Variants in PACRG observed in about 807,000 individuals in gnomAD.
The protein encoded by PACRG is parkin coregulated gene protein.
PACRG carries 29 observed loss-of-function variants against 29.7 expected under a neutral mutation model. The observed-to-expected ratio is 0.98, with a 90% confidence interval of 0.73 to 1.33. The LOEUF (loss-of-function observed/expected upper bound fraction) is 1.33, where lower values mean the gene tolerates loss of function less well. Ranked by LOEUF, PACRG falls within the 40% of genes most tolerant of loss-of-function variation. The pLI is 0.00. For missense variants in PACRG, 279 were observed against 316.2 expected (o/e 0.88, Z 0.89); for synonymous variants, 116 against 118.7 (o/e 0.98, Z 0.15).
At chr6:162,846,124 C>T (rs1028453087) in intron 2 of PACRG, among the ~76,000 whole-genome samples, 1 of 152,118 alleles carries the variant, frequency 6.6e-6, no homozygotes, top group African/African-American at 2.4e-5. Flanking sequence ...CACTGCGTCT[C>T]TAAGGGGAGC....
intron 4 of PACRG, among the ~76,000 whole-genome samples, chr6:163,160,465 C>T (rs1307995954): frequency 6.6e-6 from 1 of 152,110 alleles, no homozygotes; most frequent in Non-Finnish European, 1.5e-5. Flanking sequence ...TTGCAAGTCA[C>T]CAAGACTTAA....
In PACRG at chr6:163,186,860, C is replaced by T. The variant is rs372902525; in HGVS notation, c.613+97452C>T. Among the ~76,000 whole-genome samples the T allele has an allele frequency of 2.0e-4, 31 of 152,340 alleles. No individual in the cohort carries two copies. In the South Asian group the frequency reaches 3.9e-3, roughly 19 times the overall value. On this transcript the variant is annotated intron_variant, in intron 4 of 4. Transcript: ENST00000366888. ...CACAGTCAGGAGGTATTTAGTCGGC[C>T]TCCCGTCGCCCTCACCGCACACACA... is the stretch of plus-strand genomic sequence containing the variant.
At chr6:162,769,533 G>A (rs1342866711) in intron 1 of PACRG, among the ~76,000 whole-genome samples, 2 of 151,876 alleles carry the variant, frequency 1.3e-5, no homozygotes, top group African/African-American at 2.4e-5. Context: ...TTTGTGCCTC[G>A]TCTATAGGGA....
intron 2 of PACRG, among the ~76,000 whole-genome samples, chr6:162,867,546 C>T (rs530825404): frequency 1.2e-4 from 19 of 152,168 alleles, no homozygotes; most frequent in Non-Finnish European, 1.9e-4. Flanking sequence ...GGGGACTCTC[C>T]TCTCTCCGCT....
At chr6:163,060,873 T>C (rs1195331886) in intron 2 of PACRG, 3 of 152,074 alleles carry the variant, frequency 2.0e-5, no homozygotes, top group Non-Finnish European at 4.4e-5. Flanking sequence ...TCCCACTAAG[T>C]GGTATTACAA....
At chr6:163,290,616 G>C (rs1411895518) in intron 4 of PACRG, among the ~76,000 whole-genome samples, 1 of 152,160 alleles carries the variant, frequency 6.6e-6, no homozygotes, top group Non-Finnish European at 1.5e-5. Flanking sequence ...TCAACTTTCA[G>C]TAAGGATGCT....
intron 4 of PACRG, among the ~76,000 whole-genome samples, chr6:163,108,906 A>G (rs895208358): frequency 6.6e-6 from 1 of 152,234 alleles, no homozygotes; most frequent in African/African-American, 2.4e-5. Flanking sequence ...AACAGGATGC[A>G]CAAGAATAAT....
At chr6:162,906,289 CA>C (rs961110680) in intron 2 of PACRG, among the ~76,000 whole-genome samples, 1 of 152,160 alleles carries the variant, frequency 6.6e-6, no homozygotes, top group African/African-American at 2.4e-5. Flanking sequence ...TCCTTTAAGT[CA>C]ATCCTCTTCC....
At chr6:163,286,291 A>G (rs1784399052) in intron 4 of PACRG, among the ~76,000 whole-genome samples, 1 of 152,178 alleles carries the variant, frequency 6.6e-6, no homozygotes, top group South Asian at 2.1e-4. Context: ...ATCAGTATGT[A>G]CAGCTGTTTT....
At chr6:163,196,189 G>A (rs1780446283) in intron 4 of PACRG, among the ~76,000 whole-genome samples, 1 of 152,174 alleles carries the variant, frequency 6.6e-6, no homozygotes, top group Non-Finnish European at 1.5e-5. Context: ...AAGTAGAACC[G>A]TGCCCTGCAC....
intron 1 of PACRG, among the ~76,000 whole-genome samples, chr6:162,795,911 T>A (rs1226509252): frequency 2.0e-5 from 3 of 152,200 alleles, no homozygotes; most frequent in Non-Finnish European, 2.9e-5. Flanking sequence ...AAACTATAGA[T>A]TTTTGCATGT....
At chr6:162,866,621 A>G (rs1792317783) in intron 2 of PACRG, among the ~76,000 whole-genome samples, 1 of 152,318 alleles carries the variant, frequency 6.6e-6, no homozygotes, top group Admixed American at 6.5e-5. Context: ...AGAAGAAAAA[A>G]AAAAATCTCT....
intron 4 of PACRG, among the ~76,000 whole-genome samples, chr6:163,105,980 G>A (rs553158727): frequency 3.9e-5 from 6 of 152,198 alleles, no homozygotes; most frequent in African/African-American, 1.4e-4. Context: ...TTTGTTTCAA[G>A]TTCTTTTGTG....
chr6:163,296,967 G>A (rs1012766614), intron 4 of PACRG, among the ~76,000 whole-genome samples: 4 of 152,156 alleles, frequency 2.6e-5, no homozygotes, highest in Non-Finnish European at 5.9e-5. Context: ...CACATGTACT[G>A]AACTATCTAT....
intron 4 of PACRG, among the ~76,000 whole-genome samples, chr6:163,216,983 A>G (rs1356050339): frequency 6.6e-6 from 1 of 152,200 alleles, no homozygotes; most frequent in Non-Finnish European, 1.5e-5. Flanking sequence ...ACAGAATTAC[A>G]TTCTCCATGA....
At chr6:163,230,428 C>G (rs1781976488) in intron 4 of PACRG, among the ~76,000 whole-genome samples, 1 of 152,102 alleles carries the variant, frequency 6.6e-6, no homozygotes, top group Non-Finnish European at 1.5e-5. Flanking sequence ...GAAAGAGATC[C>G]TACTTTCTCA....
intron 4 of PACRG, among the ~76,000 whole-genome samples, chr6:163,259,818 C>T (rs575185630): frequency 1.3e-5 from 2 of 152,232 alleles, no homozygotes; most frequent in South Asian, 4.2e-4. Flanking sequence ...CAGGGTTGAT[C>T]GCTAGGACTA....
In PACRG at chr6:163,084,402, A is replaced by G. The variant is rs765502416; in HGVS notation, c.464-4857A>G. Among the ~76,000 whole-genome samples, 3 of 152,324 alleles carry G rather than the reference A, an allele frequency of 2.0e-5. No homozygotes were observed. In the East Asian group the frequency reaches 5.8e-4, roughly 29 times the overall value. On this transcript the variant is annotated intron_variant, in intron 3 of 4. Transcript: ENST00000366888. Reference sequence around the variant, plus strand: ...AAAAAGACTTCCGACTTCATGGTGTATCTTAATTCTCTGAGAATGAAGAAG... The same window carrying G: ...AAAAAGACTTCCGACTTCATGGTGTGTCTTAATTCTCTGAGAATGAAGAAG...
intron 4 of PACRG, among the ~76,000 whole-genome samples, chr6:163,197,346 T>C (rs536540541): frequency 6.6e-6 from 1 of 151,926 alleles, no homozygotes; most frequent in South Asian, 2.1e-4. Context: ...ATACCATCTG[T>C]AAATGCTTGC....
Sources: gnomAD v4.1 joint callset for allele counts (sites outside exome capture counted in the v4.1 genomes callset) on GRCh38, gnomAD v4.1.1 for gene constraint, MANE v1.5 for transcripts, NCBI Gene and HGNC (gene_info 2026-07-23, HGNC 2026-07-21) for gene names.